The following PCCB variants were observed in gnomAD, a reference collection of about 807,000 sequenced individuals.
PCCB encodes the protein propionyl-CoA carboxylase beta chain, mitochondrial.
Under a neutral mutation model 60.7 loss-of-function variants are expected in PCCB, and 43 were observed. The ratio of observed to expected loss-of-function variants is 0.71; its 90% CI spans 0.55 to 0.91. The LOEUF is 0.91. Among genes scored for constraint, PCCB ranks in the 40% least tolerant of loss-of-function variants. PCCB has a pLI of 0.00. For synonymous variants in PCCB, 276 were observed against 255.9 expected, an observed-to-expected ratio of 1.08 and a Z score of -0.75; for missense variants, 766 against 702.8, an observed-to-expected ratio of 1.09 and a Z score of -1.02.
chr3:136,260,545 T>C lies in PCCB; in HGVS notation c.429+10T>C. The C allele has an allele frequency of 6.2e-7, 1 of 1,606,054 alleles. No homozygotes were observed. The highest frequency in any genetic ancestry group is 1.1e-5 in the South Asian group (1 of 90,710). Reference sequence around the variant, plus strand: ...CCAAAAGATCTGCAAAGTAAGTGTTTAATACTCAAATTCAATCCATTGCTT... The same window carrying C: ...CCAAAAGATCTGCAAAGTAAGTGTTCAATACTCAAATTCAATCCATTGCTT... On this transcript the variant is annotated intron_variant, in intron 4 of 14. Transcript: ENST00000251654.
rs777478881 is a variant in PCCB, at chr3:136,250,498, C to G, written c.123C>G (p.Asn41Lys). 1.2e-6 allele frequency: 2 copies of G among 1,613,060 alleles called. No individual in the cohort carries two copies. The highest frequency in any genetic ancestry group is 1.7e-5 in the Admixed American group (1 of 59,966). ...QATSVNERIE[N>K]KRRTALLGGG... ...CCTCTGTTAACGAACGCATCGAAAA[C>G]AAGCGCCGGACCGCGCTGCTGGGAG... The change falls in exon 1 of 15, where the codon AAC (asparagine) becomes AAG (lysine). Residue 41 changes from asparagine to lysine, a missense_variant. By Grantham distance (94) the Asn-to-Lys change is moderately conservative (BLOSUM62 0). Transcript: ENST00000251654.
At chr3:136,262,870 G>A (rs1202741144) in intron 5 of PCCB, among the ~76,000 whole-genome samples, 3 of 151,984 alleles carry the variant, frequency 2.0e-5, no homozygotes, top group Non-Finnish European at 2.9e-5. Context: ...CCTCAGAGAC[G>A]TGGTGATAAA....
intron 3 of PCCB, chr3:136,259,186 G>T (rs1028619690): frequency 6.9e-7 from 1 of 1,455,764 alleles, no homozygotes. Context: ...CAAATAATAG[G>T]CTGGGCACAG....
chr3:136,250,387 A>G lies in PCCB; in HGVS notation c.12A>G (p.Ala4=), dbSNP rs1476876445. The stretch of plus-strand genomic sequence containing the variant: ...CCGGCACAGCAAAAATGGCGGCGGC[A>G]TTACGGGTGGCGGCGGTCGGGGCAA... MAA[A]LRVAAVGARL... The change falls in exon 1 of 15, where the codon GCA becomes GCG. Residue 4 remains alanine, a synonymous_variant. Transcript: ENST00000251654. 2.6e-6 allele frequency: 4 copies of G among 1,536,476 alleles called. No individual in the cohort carries two copies. In the Admixed American group the frequency reaches 5.9e-5, roughly 23 times the overall value.
At chr3:136,295,635 C>G (rs1385397025) in intron 7 of PCCB, among the ~76,000 whole-genome samples, 1 of 152,094 alleles carries the variant, frequency 6.6e-6, no homozygotes, top group Non-Finnish European at 1.5e-5. Flanking sequence ...TTTATTTTTC[C>G]CCATTTTAAT....
At chr3:136,279,955 C>T (rs552733276) in intron 5 of PCCB, among the ~76,000 whole-genome samples, 6 of 152,308 alleles carry the variant, frequency 3.9e-5, no homozygotes, top group Non-Finnish European at 7.4e-5. Context: ...CGTGAGCCAC[C>T]GCGCCCGGCC....
chr3:136,299,341 CAT>C (rs758063718), intron 8 of PCCB, among the ~76,000 whole-genome samples: 7 of 151,882 alleles, frequency 4.6e-5, no homozygotes, highest in Admixed American at 1.3e-4. Flanking sequence ...TGCATACACA[CAT>C]ACACATGCAT....
At chr3:136,310,914 G>A (rs1363362968) in intron 9 of PCCB, among the ~76,000 whole-genome samples, 1 of 151,974 alleles carries the variant, frequency 6.6e-6, no homozygotes, top group Non-Finnish European at 1.5e-5. Flanking sequence ...TCATAAAATA[G>A]GAATTAATAC....
At chr3:136,299,916 A>C (rs1934175650) in intron 8 of PCCB, among the ~76,000 whole-genome samples, 1 of 151,850 alleles carries the variant, frequency 6.6e-6, no homozygotes, top group Admixed American at 6.6e-5. Context: ...ATGCATGTAT[A>C]TGTATGCATA....
chr3:136,309,667 G>T (rs1221752401), intron 9 of PCCB, among the ~76,000 whole-genome samples: 1 of 151,938 alleles, frequency 6.6e-6, no homozygotes, highest in Admixed American at 6.6e-5. Context: ...GGGTGTGGTG[G>T]CATGCACCTA....
chr3:136,274,345 A>G (rs1264049033), intron 5 of PCCB, among the ~76,000 whole-genome samples: 1 of 152,056 alleles, frequency 6.6e-6, no homozygotes, highest in East Asian at 1.9e-4. Context: ...GCATTTGTTT[A>G]TCTGAAAATG....
At chr3:136,289,305 T>C (rs1005352240) in intron 6 of PCCB, among the ~76,000 whole-genome samples, 1 of 152,208 alleles carries the variant, frequency 6.6e-6, no homozygotes, top group African/African-American at 2.4e-5. Context: ...CCTCATGTTA[T>C]TTTGATGCTC....
chr3:136,325,647 G>C (rs1227751556), intron 10 of PCCB, among the ~76,000 whole-genome samples: 1 of 152,038 alleles, frequency 6.6e-6, no homozygotes, highest in Non-Finnish European at 1.5e-5. Context: ...GTGAGCCACT[G>C]TGCCGGGCCA....
intron 9 of PCCB, among the ~76,000 whole-genome samples, chr3:136,307,676 A>T (rs1373536100): frequency 6.6e-6 from 1 of 152,146 alleles, no homozygotes; most frequent in African/African-American, 2.4e-5. Context: ...CATAGTAATT[A>T]TAAAAAATAA....
At chr3:136,264,732 A>G (rs1350558995) in intron 5 of PCCB, among the ~76,000 whole-genome samples, 1 of 151,094 alleles carries the variant, frequency 6.6e-6, no homozygotes, top group Non-Finnish European at 1.5e-5. Flanking sequence ...AAAATTAGCC[A>G]GGTGTGGTGG....
intron 3 of PCCB, among the ~76,000 whole-genome samples, chr3:136,257,686 C>G (rs1164111921): frequency 6.6e-6 from 1 of 152,118 alleles, no homozygotes; most frequent in African/African-American, 2.4e-5. Context: ...CCTGTAGTCC[C>G]AGTACTTTGG....
At chr3:136,328,654 C>G in intron 13 of PCCB, 104 bp from the exon 14 acceptor site, 3 of 898,104 alleles carry the variant, frequency 3.3e-6, no homozygotes, top group Middle Eastern at 2.4e-4. Flanking sequence ...CCTCAGTACA[C>G]TGATTTACCA....
chr3:136,274,242 A>G lies in PCCB; in HGVS notation c.544-9595A>G, dbSNP rs979417838. On this transcript the variant is annotated intron_variant, in intron 5 of 14. Coordinates refer to ENST00000251654, the MANE Select transcript of PCCB (RefSeq NM_000532.5). ...TAGGCCTTGTGGGTTTTATCTTTCA[A>G]GAGGTTTTATTTTGGTGCATATTGA... is the stretch of plus-strand genomic sequence containing the variant. 3.3e-5 allele frequency among the ~76,000 whole-genome samples: 5 copies of G among 151,786 alleles called. No homozygotes were observed. In the East Asian group the frequency reaches 9.7e-4, roughly 29 times the overall value.
intron 3 of PCCB, among the ~76,000 whole-genome samples, chr3:136,259,675 T>A (rs1941768734): frequency 6.6e-6 from 1 of 152,254 alleles, no homozygotes; most frequent in South Asian, 2.1e-4. Flanking sequence ...TCCTTTAAGA[T>A]ATTTTATTCT....
Sources: gnomAD v4.1 joint callset for allele counts (sites outside exome capture counted in the v4.1 genomes callset) on GRCh38, gnomAD v4.1.1 for gene constraint, MANE v1.5 for transcripts, NCBI Gene and HGNC (gene_info 2026-07-23, HGNC 2026-07-21) for gene names.